LRMDA: variants seen among roughly 807,000 people sequenced by gnomAD.
LRMDA encodes leucine rich melanocyte differentiation associated, also known as leucine-rich melanocyte differentiation-associated protein.
Under a neutral mutation model 29.8 loss-of-function variants are expected in LRMDA, and 18 were observed. The ratio of observed to expected loss-of-function variants is 0.60; its 90% CI spans 0.42 to 0.90. LRMDA has a LOEUF of 0.90. Among genes scored for constraint, LRMDA ranks in the 40% least tolerant of loss-of-function variants. LRMDA has a pLI of 0.00. For synonymous variants in LRMDA, 125 were observed against 109.4 expected, an observed-to-expected ratio of 1.14 and a Z score of -0.89; for missense variants, 273 against 273.9, an observed-to-expected ratio of 1.00 and a Z score of 0.02.
intron 2 of LRMDA, among the ~76,000 whole-genome samples, chr10:75,889,734 G>A (rs1277125414): frequency 6.6e-6 from 1 of 152,216 alleles, no homozygotes; most frequent in Non-Finnish European, 1.5e-5. Flanking sequence ...TAGTTATTGA[G>A]AACTTGCTTG....
At position 75,604,855 on chromosome 10, in the gene LRMDA, T is replaced by C. The variant is rs1474403085; in HGVS notation, c.131+166361T>C. 2.6e-5 allele frequency among the ~76,000 whole-genome samples: 4 copies of C among 152,282 alleles called. No homozygotes were observed. The East Asian group carries it at 7.7e-4, about 29-fold the overall frequency. On this transcript the variant is annotated intron_variant, in intron 2 of 6. Transcript: ENST00000611255. ...AAAAAACTTCACTAGTGCCAATGAG[T>C]TTTCTTTCAAAAGAATACATAACAT...
chr10:75,761,563 A>G (rs1843095171), intron 2 of LRMDA, among the ~76,000 whole-genome samples: 1 of 152,172 alleles, frequency 6.6e-6, no homozygotes, highest in South Asian at 2.1e-4. Context: ...TGTTTAATGG[A>G]TACAGAGTTT....
chr10:76,388,691 C>T (rs1018417402), intron 6 of LRMDA, among the ~76,000 whole-genome samples: 1 of 152,212 alleles, frequency 6.6e-6, no homozygotes, highest in African/African-American at 2.4e-5. Flanking sequence ...ATACCACCTT[C>T]TGGTGGGAGG....
chr10:76,514,895 A>G (rs548085381), intron 6 of LRMDA, among the ~76,000 whole-genome samples: 1 of 152,326 alleles, frequency 6.6e-6, no homozygotes, highest in African/African-American at 2.4e-5. Flanking sequence ...GTTCAAGTAC[A>G]ATTGGTACTG....
intron 2 of LRMDA, among the ~76,000 whole-genome samples, chr10:75,875,292 G>A (rs1236413798): frequency 2.6e-5 from 4 of 152,172 alleles, no homozygotes; most frequent in African/African-American, 4.8e-5. Context: ...TTCCCTCTGG[G>A]AGCTGCTGGT....
At chr10:75,696,772 G>A (rs1842240524) in intron 2 of LRMDA, among the ~76,000 whole-genome samples, 1 of 152,162 alleles carries the variant, frequency 6.6e-6, no homozygotes, top group African/African-American at 2.4e-5. Context: ...TGAATTCAAT[G>A]TGATTTCCTC....
chr10:75,511,029 A>C (rs150794423), intron 2 of LRMDA, among the ~76,000 whole-genome samples: 164 of 152,260 alleles, frequency 1.1e-3, no homozygotes, highest in South Asian at 1.5e-3. Context: ...ATTTGGGAAG[A>C]GCCTCACCTT....
intron 2 of LRMDA, among the ~76,000 whole-genome samples, chr10:75,485,617 CTG>C (rs1418719966): frequency 6.6e-6 from 1 of 151,928 alleles, no homozygotes; most frequent in Admixed American, 6.6e-5. Flanking sequence ...GAGTCTCACT[CTG>C]TTGCCCAGGC....
At chr10:75,831,886 T>C (rs1299107508) in intron 2 of LRMDA, among the ~76,000 whole-genome samples, 1 of 152,216 alleles carries the variant, frequency 6.6e-6, no homozygotes, top group Non-Finnish European at 1.5e-5. Flanking sequence ...TGACCACTTT[T>C]AGTCATGACT....
chr10:75,958,658 A>G (rs1214420441), intron 2 of LRMDA, among the ~76,000 whole-genome samples: 2 of 152,236 alleles, frequency 1.3e-5, no homozygotes, highest in African/African-American at 2.4e-5. Flanking sequence ...TCTATTCAAG[A>G]AATGAAGGAA....
At chr10:75,783,080 T>C in intron 2 of LRMDA, 1 of 1,596,130 alleles carries the variant, frequency 6.3e-7, no homozygotes, top group South Asian at 1.1e-5. Flanking sequence ...CAGTGCCTTT[T>C]AAATAGCAAT....
At chr10:75,476,987 C>G (rs963192164) in intron 2 of LRMDA, among the ~76,000 whole-genome samples, 1 of 151,568 alleles carries the variant, frequency 6.6e-6, no homozygotes, top group Non-Finnish European at 1.5e-5. Context: ...CTCTTCTTTT[C>G]TCTCTCTCTT....
intron 6 of LRMDA, among the ~76,000 whole-genome samples, chr10:76,439,304 A>G (rs187885505): frequency 2.0e-5 from 3 of 152,296 alleles, no homozygotes; most frequent in South Asian, 2.1e-4. Flanking sequence ...GCTCAAAGAC[A>G]TATCTGTGAC....
At chr10:75,909,111 G>T (rs1390314708) in intron 2 of LRMDA, among the ~76,000 whole-genome samples, 1 of 152,092 alleles carries the variant, frequency 6.6e-6, no homozygotes, top group Non-Finnish European at 1.5e-5. Context: ...AAGATAAAAA[G>T]ATGCTATTTC....
intron 2 of LRMDA, among the ~76,000 whole-genome samples, chr10:75,828,708 T>C (rs1296108026): frequency 1.3e-5 from 2 of 152,200 alleles, no homozygotes; most frequent in African/African-American, 4.8e-5. Context: ...GCAAATAAAG[T>C]GAAGAAATAT....
chr10:76,461,796 C>T (rs139812801), intron 6 of LRMDA, among the ~76,000 whole-genome samples: 1 of 152,120 alleles, frequency 6.6e-6, no homozygotes, highest in Non-Finnish European at 1.5e-5. Flanking sequence ...GGACTCAGGC[C>T]GGGTACAGGG....
intron 5 of LRMDA, among the ~76,000 whole-genome samples, chr10:76,314,185 T>G (rs1051663165): frequency 3.3e-5 from 5 of 152,218 alleles, no homozygotes; most frequent in African/African-American, 1.2e-4. Flanking sequence ...CAAAGAGGTA[T>G]GGAGCACAAG....
intron 5 of LRMDA, among the ~76,000 whole-genome samples, chr10:76,218,126 G>GT (rs1475079418): frequency 1.2e-4 from 18 of 152,226 alleles, no homozygotes; most frequent in Non-Finnish European, 2.1e-4. Flanking sequence ...AGCATGGAAC[G>GT]TGTGTATTTG....
chr10:76,385,831 G>T (rs1841652878), intron 6 of LRMDA, among the ~76,000 whole-genome samples: 1 of 152,066 alleles, frequency 6.6e-6, no homozygotes, highest in Non-Finnish European at 1.5e-5. Context: ...TTCTTAAGTT[G>T]ACTTTAACCT....
Sources: allele counts gnomAD v4.1 joint callset (sites outside exome capture counted in the v4.1 genomes callset), GRCh38; gene constraint gnomAD v4.1.1; transcripts MANE v1.5; gene names NCBI Gene and HGNC (gene_info 2026-07-23, HGNC 2026-07-21).